MLLT10: variants seen among roughly 807,000 people sequenced by gnomAD.
The protein encoded by MLLT10 is protein AF-10.
Under a neutral mutation model 129.1 loss-of-function variants are expected in MLLT10, and 30 were observed. That is an observed-to-expected ratio of 0.23 (90% CI 0.17 to 0.32). The LOEUF (loss-of-function observed/expected upper bound fraction) is 0.32. MLLT10 is among the 10% of genes least tolerant of loss of function. MLLT10 has a pLI of 1.00. For synonymous variants in MLLT10, 490 were observed against 446.4 expected, an observed-to-expected ratio of 1.10 and a Z score of -1.23; for missense variants, 1,119 against 1,268.3, an observed-to-expected ratio of 0.88 and a Z score of 1.79.
At chr10:21,554,410 T>C (rs1044374837) in intron 3 of MLLT10, among the ~76,000 whole-genome samples, 3 of 151,976 alleles carry the variant, frequency 2.0e-5, no homozygotes, top group Admixed American at 6.6e-5. Flanking sequence ...TTCCATAGAG[T>C]TGGGATTATG....
At chr10:21,585,953 G>A (rs2041943004) in intron 3 of MLLT10, among the ~76,000 whole-genome samples, 1 of 152,044 alleles carries the variant, frequency 6.6e-6, no homozygotes, top group Non-Finnish European at 1.5e-5. Flanking sequence ...TAGAGACGGG[G>A]TTTCTGCATG....
At chr10:21,718,189 T>A (rs1331221565) in intron 14 of MLLT10, among the ~76,000 whole-genome samples, 1 of 152,018 alleles carries the variant, frequency 6.6e-6, no homozygotes, top group African/African-American at 2.4e-5. Flanking sequence ...TTTTTCCCCC[T>A]TTCAACAGAC....
intron 3 of MLLT10, among the ~76,000 whole-genome samples, chr10:21,540,031 G>A (rs952949610): frequency 1.3e-5 from 2 of 152,098 alleles, no homozygotes; most frequent in African/African-American, 4.8e-5. Flanking sequence ...GAGGCAGGAG[G>A]ATTGCTTGAG....
intron 11 of MLLT10, among the ~76,000 whole-genome samples, chr10:21,674,972 A>G (rs2051924679): frequency 9.0e-6 from 1 of 110,790 alleles, no homozygotes; most frequent in Admixed American, 9.2e-5. Context: ...TCAATAAACA[A>G]ACAAATAAAT....
intron 13 of MLLT10, among the ~76,000 whole-genome samples, chr10:21,692,074 T>TG (rs2053913000): frequency 6.6e-6 from 1 of 150,696 alleles, no homozygotes; most frequent in South Asian, 2.1e-4. Flanking sequence ...CTTGTGAGGC[T>TG]GAGGCATGGG....
intron 3 of MLLT10, chr10:21,564,356 C>A (rs1254769874): frequency 6.6e-6 from 1 of 152,130 alleles, no homozygotes; most frequent in African/African-American, 2.4e-5. Context: ...TCCTAAAGTG[C>A]TGGGATTACA....
intron 9 of MLLT10, among the ~76,000 whole-genome samples, chr10:21,654,423 T>G (rs2049351420): frequency 6.6e-6 from 1 of 152,206 alleles, no homozygotes; most frequent in South Asian, 2.1e-4. Context: ...GATGGGATTT[T>G]GGGGAAAATA....
intron 5 of MLLT10, among the ~76,000 whole-genome samples, chr10:21,612,024 G>C (rs1355480833): frequency 6.6e-6 from 1 of 152,202 alleles, no homozygotes; most frequent in African/African-American, 2.4e-5. Flanking sequence ...ATGACAAGGT[G>C]TTGGGAAGAA....
intron 16 of MLLT10, among the ~76,000 whole-genome samples, chr10:21,728,835 CT>C (rs1348412123): frequency 6.6e-6 from 1 of 150,586 alleles, no homozygotes; most frequent in Non-Finnish European, 1.5e-5. Context: ...CAAGACCAGC[CT>C]GGGCAACATG....
At chr10:21,609,348 G>A (rs553563825) in intron 5 of MLLT10, among the ~76,000 whole-genome samples, 26 of 152,280 alleles carry the variant, frequency 1.7e-4, no homozygotes, top group African/African-American at 4.8e-4. Flanking sequence ...TCTTTTGACC[G>A]TTAGGTATGA....
intron 3 of MLLT10, among the ~76,000 whole-genome samples, chr10:21,567,166 G>C (rs564338106): frequency 1.3e-5 from 2 of 152,082 alleles, no homozygotes; most frequent in Admixed American, 6.6e-5. Context: ...GGGCATTTTT[G>C]TATTGTCATG....
At chr10:21,717,876 TCTCCTCCTCCTTCTC>T (rs1564712336) in intron 14 of MLLT10, among the ~76,000 whole-genome samples, 1 of 75,726 alleles carries the variant, frequency 1.3e-5, no homozygotes, top group African/African-American at 5.5e-5. Flanking sequence ...TCCTCCTCCT[TCTCCTCCTCCTTCTC>T]CTCCTCCTCC....
rs547933169 is a variant in MLLT10, at chr10:21,614,957, TATG to T, written c.603+36_603+38del. Reference sequence around the variant, plus strand: ...TTTCTCTTGGATTTAATGAAATGATTATGATTAGTTTTGACAATAGAATGACAC... The same window carrying T: ...TTTCTCTTGGATTTAATGAAATGATTATTAGTTTTGACAATAGAATGACAC... On this transcript the variant is annotated intron_variant, in intron 7 of 22. Transcript: ENST00000307729. 87 of 1,521,362 alleles carry T rather than the reference TATG, an allele frequency of 5.7e-5. 1 individual carries two copies. The Admixed American group carries it at 1.0e-3, about 18-fold the overall frequency. The allele number at this position is 1,521,362 out of a possible 1,614,324, so 94.2% of individuals were successfully genotyped here. A position where few individuals can be genotyped will look rare whatever the true frequency, so the allele number is the denominator to read the frequency against.
chr10:21,604,457 G>A (rs979983057), intron 5 of MLLT10, among the ~76,000 whole-genome samples: 18 of 152,102 alleles, frequency 1.2e-4, no homozygotes, highest in African/African-American at 4.1e-4. Context: ...AGGTGTAGTG[G>A]CACACACCTG....
intron 13 of MLLT10, among the ~76,000 whole-genome samples, chr10:21,706,794 G>A (rs925931469): frequency 6.6e-6 from 1 of 152,024 alleles, no homozygotes; most frequent in African/African-American, 2.4e-5. Flanking sequence ...TCTAAACAAT[G>A]TTCTTCTGGC....
intron 8 of MLLT10, among the ~76,000 whole-genome samples, chr10:21,619,660 CTT>C (rs2045611422): frequency 6.6e-6 from 1 of 152,072 alleles, no homozygotes; most frequent in African/African-American, 2.4e-5. Context: ...TTTAATATAA[CTT>C]GAGTTTTTGC....
At position 21,606,030 on chromosome 10, in the gene MLLT10, C is replaced by CT. The variant is rs35392070; in HGVS notation, c.406-6313dup. On this transcript the variant is annotated intron_variant, in intron 5 of 22. Transcript: ENST00000307729. ...GTGCTCACTTAGTGACTCTTTGTCCCTTTTTGTTAATTCTCATATTATTTC... is the reference window on the plus strand; with the variant it reads ...GTGCTCACTTAGTGACTCTTTGTCCCTTTTTTGTTAATTCTCATATTATTTC... 2.5e-3 allele frequency among the ~76,000 whole-genome samples: 386 copies of CT among 152,126 alleles called. 3 individuals carry two copies. Among genetic ancestry groups the CT allele is most frequent in the African/African-American group, 8.8e-3 (365 of 41,498 alleles).
Position 21,670,658 on chromosome 10 carries a change from A to G in MLLT10, c.1005A>G (p.Gly335=), listed in dbSNP as rs769065477. The change falls in exon 10 of 23, where the codon GGA becomes GGG. Residue 335 remains glycine (G), a synonymous_variant. Transcript: ENST00000307729. ...SGQRGRKPGG[G]RNPGTTVSAA... is the part of the protein sequence containing the mutation. ...AAAGGGGAAGAAAGCCTGGTGGTGG[A>G]AGAAATCCAGGAACAACTGTGTCAG... The G allele has an allele frequency of 5.0e-6, 8 of 1,614,166 alleles. No individual in the cohort carries two copies. Among genetic ancestry groups the G allele is most frequent in the Non-Finnish European group, 6.8e-6 (8 of 1,180,024 alleles).
intron 3 of MLLT10, chr10:21,556,753 T>G: frequency 1.2e-6 from 2 of 1,609,150 alleles, no homozygotes; most frequent in Non-Finnish European, 1.7e-6. Context: ...TGTCTAACGT[T>G]CCTCCAGTTT....
Sources: gnomAD v4.1 joint callset for allele counts (sites outside exome capture counted in the v4.1 genomes callset) on GRCh38, gnomAD v4.1.1 for gene constraint, MANE v1.5 for transcripts, NCBI Gene and HGNC (gene_info 2026-07-23, HGNC 2026-07-21) for gene names.